The following KIF1A variants were observed in gnomAD, a reference collection of about 807,000 sequenced individuals.
The protein encoded by KIF1A is kinesin-like protein KIF1A.
A neutral mutation model predicts 227.3 loss-of-function variants in KIF1A; 46 were observed. The ratio of observed to expected loss-of-function variants is 0.20; its 90% CI spans 0.16 to 0.26. KIF1A has a LOEUF of 0.26. Ranked by LOEUF, KIF1A falls within the 10% of genes least tolerant of loss-of-function variation. KIF1A has a pLI of 1.00. For synonymous variants in KIF1A, 1,022 were observed against 1,012.8 expected (o/e 1.01, Z -0.17); for missense variants, 1,683 against 2,485.9 (o/e 0.68, Z 6.87).
At position 240,717,048 on chromosome 2, in the gene KIF1A, A is replaced by G. The variant is rs2044652863; in HGVS notation, c.*316T>C. Reference sequence around the variant, plus strand: ...TGTCACTAACTAACGTATATTAATTATAAGTCTGTCTATGCTTAAAAAAAT... The same window carrying G: ...TGTCACTAACTAACGTATATTAATTGTAAGTCTGTCTATGCTTAAAAAAAT... On this transcript the variant is annotated 3_prime_UTR_variant, in exon 49 of 49. Transcript: ENST00000498729. 4 of 373,484 alleles carry G rather than the reference A, an allele frequency of 1.1e-5. No homozygotes were observed. The highest frequency in any genetic ancestry group is 1.9e-5 in the Non-Finnish European group (4 of 207,298). 23.1% of individuals were successfully genotyped at this position (373,484 alleles called of 1,614,324 possible).
chr2:240,718,944 T>G (rs1365825109), intron 47 of KIF1A, 62 bp downstream of exon 47: 1 of 1,355,072 alleles, frequency 7.4e-7, no homozygotes, highest in Non-Finnish European at 1.0e-6. Context: ...CAGAGGATGG[T>G]GGCTCAGCTC....
chr2:240,783,891 T>C, intron 7 of KIF1A, 75 bp from the exon 8 acceptor site: 1 of 1,145,804 alleles, frequency 8.7e-7, no homozygotes, highest in Non-Finnish European at 1.3e-6. Context: ...CTGGGCAAGG[T>C]CTCCACAGCT....
At chr2:240,782,292 C>T in intron 10 of KIF1A, 1 of 781,984 alleles carries the variant, frequency 1.3e-6, no homozygotes, top group African/African-American at 1.9e-5. Flanking sequence ...GCGCCCCTTT[C>T]AGCTCCTCCC....
chr2:240,726,963 T>C lies in KIF1A; in HGVS notation c.4008-23A>G. ...GTCCTGAAAGGAAGCAGAGACAAAGTAGAAGTTGATGGCGTGGGGGCTGCT... is the reference window on the plus strand; with the variant it reads ...GTCCTGAAAGGAAGCAGAGACAAAGCAGAAGTTGATGGCGTGGGGGCTGCT... On this transcript the variant is annotated intron_variant, in intron 38 of 48. Transcript: ENST00000498729. The surrounding 1 kb of genome is among the most constrained non-coding windows in gnomAD (Gnocchi z 5.2). 6.9e-7 allele frequency: 1 copy of C among 1,447,100 alleles called. No individual in the cohort carries two copies. 89.6% of individuals were successfully genotyped at this position (1,447,100 alleles called of 1,614,324 possible). A position where few individuals can be genotyped will look rare whatever the true frequency, so the allele number is the denominator to read the frequency against.
intron 1 of KIF1A, among the ~76,000 whole-genome samples, chr2:240,818,013 T>C (rs2058451921): frequency 6.6e-6 from 1 of 152,030 alleles, no homozygotes; most frequent in South Asian, 2.1e-4. Context: ...GAGCCCCAGA[T>C]GGGGCAGTCT....
chr2:240,802,810 T>G (rs1237035417), intron 1 of KIF1A, among the ~76,000 whole-genome samples: 2 of 152,130 alleles, frequency 1.3e-5, no homozygotes, highest in Non-Finnish European at 2.9e-5. Context: ...TTTTTTATTT[T>G]GTAGGGATGG....
chr2:240,783,408 G>A (rs953376541), intron 8 of KIF1A, among the ~76,000 whole-genome samples: 2 of 152,202 alleles, frequency 1.3e-5, no homozygotes, highest in Non-Finnish European at 2.9e-5. Flanking sequence ...AGCAGGGGTC[G>A]AGGAAACACA....
At position 240,757,438 on chromosome 2, in the gene KIF1A, C is replaced by A. The variant is rs1052335204; in HGVS notation, c.2739G>T (p.Glu913Asp). ...EQSVGEEEEEEEEEEDEEEED... is the reference protein window; with the variant it reads ...EQSVGEEEEEDEEEEDEEEED... Reference sequence around the variant, plus strand: ...CCTCCTCCTCATCCTCCTCCTCCTCCTCCTCCTCCTCCTCCTCCCCCACGC... The same window carrying A: ...CCTCCTCCTCATCCTCCTCCTCCTCATCCTCCTCCTCCTCCTCCCCCACGC... The change falls in exon 27 of 49, where the codon GAG (glutamate) becomes GAT (aspartate). Residue 913 changes from glutamate (E) to aspartate (D), a missense_variant. By Grantham distance (45) the Glu-to-Asp change is conservative. Transcript: ENST00000498729. This position sits in a 1 kb window ranked among gnomAD's most constrained non-coding sequence, Gnocchi z 6.2. 6 of 1,548,404 alleles carry A rather than the reference C, an allele frequency of 3.9e-6. No homozygotes were observed. The Admixed American group carries it at 9.8e-5, about 25-fold the overall frequency.
At chr2:240,815,902 G>A (rs932395242) in intron 1 of KIF1A, among the ~76,000 whole-genome samples, 1 of 152,210 alleles carries the variant, frequency 6.6e-6, no homozygotes, top group African/African-American at 2.4e-5. Flanking sequence ...TTCAGGTGTG[G>A]AGTGGCATGG....
chr2:240,761,082 T>G, intron 24 of KIF1A, 147 bp downstream of exon 24: 1 of 1,064,502 alleles, frequency 9.4e-7, no homozygotes, highest in Non-Finnish European at 1.4e-6. Context: ...CTGCCCACCC[T>G]TCTGGGGGGC....
Position 240,717,112 on chromosome 2 carries a change from T to C in KIF1A, c.*252A>G. On this transcript the variant is annotated 3_prime_UTR_variant, in exon 49 of 49. Transcript: ENST00000498729. ...CAAGAACCCCCGTAACCTGTGCCCT[T>C]GGCCCCCCCAGCCTCTCCCAACTTG... 6.3e-6 allele frequency: 3 copies of C among 475,888 alleles called. No individual in the cohort carries two copies. Among genetic ancestry groups the C allele is most frequent in the East Asian group, 6.3e-5 (2 of 31,710 alleles). The allele number at this position is 475,888 out of a possible 1,614,324, so 29.5% of individuals were successfully genotyped here. A position where few individuals can be genotyped will look rare whatever the true frequency, so the allele number is the denominator to read the frequency against.
rs1359755939 is a variant in KIF1A at position 240,740,141 on chromosome 2, C to T, written c.3818G>A (p.Gly1273Asp). ...PCMGTFLLHQGIQRRITVTLL... is the reference protein window; with the variant it reads ...PCMGTFLLHQDIQRRITVTLL... ...TGTCACCGTAATCCGTCGCTGGATG[C>T]CCTGCCGGTGCCAGGTGAGAGGATA... Residue 1273 changes from glycine (G) to aspartate (D), a missense_variant and splice_region_variant, in exon 37 of 49, where the codon GGC becomes GAC. Coordinates refer to ENST00000498729, the MANE Select transcript of KIF1A (RefSeq NM_001244008.2). The surrounding 1 kb of genome is among the most constrained non-coding windows in gnomAD (Gnocchi z 6.1). The T allele has an allele frequency of 6.3e-7, 1 of 1,589,076 alleles. No homozygotes were observed. Among genetic ancestry groups the T allele is most frequent in the Admixed American group, 1.8e-5 (1 of 55,846 alleles).
At chr2:240,782,275 C>T in intron 10 of KIF1A, 1 of 882,546 alleles carries the variant, frequency 1.1e-6, no homozygotes, top group Non-Finnish European at 1.4e-6. Context: ...GTCCGAGGGG[C>T]TCCTCCGCGC....
chr2:240,780,204 C>A (rs979890634), intron 10 of KIF1A, among the ~76,000 whole-genome samples: 2 of 151,982 alleles, frequency 1.3e-5, no homozygotes, highest in African/African-American at 4.8e-5. Context: ...CCCGCCTGGC[C>A]CCCCGCAGTT....
At chr2:240,719,990 A>G (rs2045101522) in intron 45 of KIF1A, 64 bp from the exon 46 acceptor site, 2 of 1,505,782 alleles carry the variant, frequency 1.3e-6, no homozygotes, top group Non-Finnish European at 8.9e-7. Context: ...GTCTTCCCCC[A>G]GGCTTCACCC....
In KIF1A at chr2:240,726,692, C is replaced by T; in HGVS notation, c.4122+134G>A. Reference sequence around the variant, plus strand: ...GTTTTTGTTTTTGTTTTTTAAAAGGCACACAAATTTAACCCAGGGACTTGA... The same window carrying T: ...GTTTTTGTTTTTGTTTTTTAAAAGGTACACAAATTTAACCCAGGGACTTGA... On this transcript the variant is annotated intron_variant, in intron 39 of 48. Coordinates refer to ENST00000498729, the MANE Select transcript of KIF1A (RefSeq NM_001244008.2). This position sits in a 1 kb window ranked among gnomAD's most constrained non-coding sequence, Gnocchi z 5.2. 4.2e-6 allele frequency: 2 copies of T among 476,654 alleles called. No homozygotes were observed. The highest frequency in any genetic ancestry group is 7.7e-6 in the Non-Finnish European group (2 of 261,422). 29.5% of individuals were successfully genotyped at this position (476,654 alleles called of 1,614,324 possible). A position where few individuals can be genotyped will look rare whatever the true frequency, so the allele number is the denominator to read the frequency against.
chr2:240,738,990 C>A (rs1280402612), intron 37 of KIF1A, among the ~76,000 whole-genome samples: 1 of 152,268 alleles, frequency 6.6e-6, no homozygotes, highest in Non-Finnish European at 1.5e-5. Context: ...AATCAATTCA[C>A]TCTTCTTAGG....
At position 240,757,659 on chromosome 2, in the gene KIF1A, C is replaced by T. The variant is rs1017769179; in HGVS notation, c.2583-65G>A. ...GCGACTCGCAGGGACGAACAGGGGC[C>T]GGGGCCGGGGCTGGGGGGCTTCTGT... is the stretch of plus-strand genomic sequence containing the variant. On this transcript the variant is annotated intron_variant, in intron 26 of 48. Transcript: ENST00000498729. This position sits in a 1 kb window ranked among gnomAD's most constrained non-coding sequence, Gnocchi z 6.2. 1.5e-5 allele frequency: 21 copies of T among 1,423,832 alleles called. No homozygotes were observed. Among genetic ancestry groups the T allele is most frequent in the Admixed American group, 2.2e-5 (1 of 46,320 alleles). The allele number at this position is 1,423,832 out of a possible 1,614,324, so 88.2% of individuals were successfully genotyped here.
chr2:240,737,275 C>T, intron 37 of KIF1A, 107 bp from the exon 38 acceptor site: 1 of 838,580 alleles, frequency 1.2e-6, no homozygotes, highest in Non-Finnish European at 2.1e-6. Flanking sequence ...CCCACATGGT[C>T]ACTAGAGCGT....
Sources: gnomAD v4.1 joint callset for allele counts (sites outside exome capture counted in the v4.1 genomes callset) on GRCh38, gnomAD v4.1.1 for gene constraint, Gnocchi (gnomAD v3.1) non-coding constraint, MANE v1.5 for transcripts, NCBI Gene and HGNC (gene_info 2026-07-23, HGNC 2026-07-21) for gene names.